The following AIG1 variants were observed in gnomAD, a reference collection of about 807,000 sequenced individuals.
AIG1 encodes androgen-induced gene 1 protein.
Under a neutral mutation model 31.4 loss-of-function variants are expected in AIG1, and 23 were observed. The observed-to-expected ratio is 0.73, with a 90% confidence interval of 0.53 to 1.04. AIG1 has a LOEUF of 1.04. Among genes scored for constraint, AIG1 ranks in the 50% least tolerant of loss-of-function variants. The pLI is 0.00. For synonymous variants in AIG1, 100 were observed against 110.5 expected (o/e 0.90, Z 0.60); for missense variants, 274 against 295.0 (o/e 0.93, Z 0.52).
At chr6:143,216,068 G>GAT (rs1053028313) in intron 3 of AIG1, among the ~76,000 whole-genome samples, 1 of 151,776 alleles carries the variant, frequency 6.6e-6, no homozygotes, top group Non-Finnish European at 1.5e-5. Flanking sequence ...GAGTCCTTGT[G>GAT]ATATATATAG....
chr6:143,220,356 T>C (rs1318777065), intron 3 of AIG1, among the ~76,000 whole-genome samples: 1 of 152,208 alleles, frequency 6.6e-6, no homozygotes, highest in South Asian at 2.1e-4. Context: ...TGTGAACCCA[T>C]AGAGAAGAGA....
At chr6:143,080,301 G>A (rs1583096511) in intron 1 of AIG1, among the ~76,000 whole-genome samples, 1 of 152,144 alleles carries the variant, frequency 6.6e-6, no homozygotes, top group Non-Finnish European at 1.5e-5. Flanking sequence ...GCCAGTCCAG[G>A]GGTCCGCGGT....
chr6:143,068,729 G>A (rs1776962177), intron 1 of AIG1, among the ~76,000 whole-genome samples: 1 of 151,758 alleles, frequency 6.6e-6, no homozygotes, highest in African/African-American at 2.4e-5. Flanking sequence ...TAGCATTTTA[G>A]TGCTTCAGGA....
At chr6:143,229,216 G>A (rs1378240811) in intron 3 of AIG1, among the ~76,000 whole-genome samples, 2 of 152,222 alleles carry the variant, frequency 1.3e-5, no homozygotes, top group Non-Finnish European at 2.9e-5. Flanking sequence ...CATATATGAA[G>A]ACTTTTGCCT....
chr6:143,157,961 G>C (rs999138755), intron 2 of AIG1, among the ~76,000 whole-genome samples: 1 of 152,148 alleles, frequency 6.6e-6, no homozygotes, highest in Non-Finnish European at 1.5e-5. Flanking sequence ...TACCAAGCCA[G>C]CTATTTGTGA....
chr6:143,135,211 T>G (rs1449571102), intron 1 of AIG1, among the ~76,000 whole-genome samples: 1 of 152,104 alleles, frequency 6.6e-6, no homozygotes, highest in Non-Finnish European at 1.5e-5. Flanking sequence ...GTTACCTTTT[T>G]ATGTTTACTA....
chr6:143,275,240 A>G (rs1029600859), intron 3 of AIG1, among the ~76,000 whole-genome samples: 1 of 152,188 alleles, frequency 6.6e-6, no homozygotes, highest in Admixed American at 6.6e-5. Context: ...GAAGAAAGTC[A>G]TGGAAAGTCC....
intron 4 of AIG1, among the ~76,000 whole-genome samples, chr6:143,300,981 C>T (rs922551969): frequency 2.0e-5 from 3 of 151,820 alleles, no homozygotes; most frequent in Admixed American, 1.3e-4. Flanking sequence ...TTTTTTGAGA[C>T]GGAGTCTCGC....
intron 3 of AIG1, among the ~76,000 whole-genome samples, chr6:143,170,842 T>C (rs9403456): frequency 0.27 from 40,779 of 151,108 alleles, 6,510 homozygotes; most frequent in East Asian, 0.83. Flanking sequence ...TTCATGTAAC[T>C]AGACACCACC....
chr6:143,171,473 A>G (rs1562454259), intron 3 of AIG1, among the ~76,000 whole-genome samples: 1 of 119,838 alleles, frequency 8.3e-6, no homozygotes, highest in South Asian at 2.3e-4. Context: ...TATTTAATAT[A>G]TATAATATAT....
At chr6:143,169,915 T>G (rs950154093) in intron 3 of AIG1, among the ~76,000 whole-genome samples, 29 of 152,198 alleles carry the variant, frequency 1.9e-4, no homozygotes, top group African/African-American at 7.0e-4. Context: ...TTTATTCATT[T>G]GTGTATGTTG....
chr6:143,060,835 C>CCGCGCCCGCGCG (rs1179823500), upstream of AIG1: 1 of 768,934 alleles, frequency 1.3e-6, no homozygotes, highest in Non-Finnish European at 1.6e-6. Flanking sequence ...GCGCCCGCGC[C>CCGCGCCCGCGCG]CGGGTTCCCA....
At chr6:143,090,699 A>G (rs371818139) in intron 1 of AIG1, among the ~76,000 whole-genome samples, 3 of 152,242 alleles carry the variant, frequency 2.0e-5, no homozygotes, top group African/African-American at 7.2e-5. Context: ...AAATATCTTA[A>G]TGATCATCTG....
chr6:143,334,024 G>T lies in AIG1; in HGVS notation c.679+579G>T, dbSNP rs1181686924. ...AGTAAAAGATAATATTTCGTGGCTGGAAAAACTCTTTTAACCTGTGATTTG... is the reference window on the plus strand; with the variant it reads ...AGTAAAAGATAATATTTCGTGGCTGTAAAAACTCTTTTAACCTGTGATTTG... On this transcript the variant is annotated intron_variant, in intron 5 of 5. Coordinates refer to ENST00000357847, the MANE Select transcript of AIG1 (RefSeq NM_016108.4). This position sits in a 1 kb window ranked among gnomAD's most constrained non-coding sequence, Gnocchi z 5.1. The T allele has an allele frequency of 2.6e-6, 4 of 1,542,404 alleles. No individual in the cohort carries two copies. In the Admixed American group the frequency reaches 8.0e-5, roughly 31 times the overall value.
At chr6:143,244,543 G>A (rs562536963) in intron 3 of AIG1, among the ~76,000 whole-genome samples, 2 of 152,324 alleles carry the variant, frequency 1.3e-5, no homozygotes, top group South Asian at 4.1e-4. Context: ...GATCACATGG[G>A]TATGGGCTTT....
intron 1 of AIG1, among the ~76,000 whole-genome samples, chr6:143,130,266 T>C (rs900566224): frequency 1.1e-4 from 16 of 152,102 alleles, no homozygotes; most frequent in African/African-American, 3.4e-4. Context: ...TATCTTTTTA[T>C]TGAGATGCTG....
At chr6:143,322,176 G>T (rs1341084520) in intron 4 of AIG1, among the ~76,000 whole-genome samples, 1 of 152,152 alleles carries the variant, frequency 6.6e-6, no homozygotes, top group Non-Finnish European at 1.5e-5. Context: ...GGTAGTCCAA[G>T]GAGGTAGCGA....
rs533726663 is a variant in AIG1, at chr6:143,062,393, C to T, written c.141+1327C>T. Among the ~76,000 whole-genome samples the T allele has an allele frequency of 9.9e-5, 15 of 152,272 alleles. No homozygotes were observed. The South Asian group carries it at 3.1e-3, about 32-fold the overall frequency. On this transcript the variant is annotated intron_variant, in intron 1 of 5. Transcript: ENST00000357847. The stretch of plus-strand genomic sequence containing the variant: ...CCCTCTGAACATGCGTGATGCCTGC[C>T]AGTTCTCCTTTCATTCTCCCCATTC...
rs7750091 is a variant in AIG1 at position 143,142,749 on chromosome 6, G to A, written c.297+5759G>A. Among the ~76,000 whole-genome samples, 525 of 152,284 alleles carry A rather than the reference G, an allele frequency of 3.4e-3. 3 individuals are homozygous for A. The highest frequency in any genetic ancestry group is 0.012 in the African/African-American group (512 of 41,552). On this transcript the variant is annotated intron_variant, in intron 2 of 5. Transcript: ENST00000357847. ...TAATCATGTCTTGTAAAGACTTAGT[G>A]AAGATTTTATAGGTATCAACCTATT...
Sources: gnomAD v4.1 joint callset for allele counts (sites outside exome capture counted in the v4.1 genomes callset) on GRCh38, gnomAD v4.1.1 for gene constraint, Gnocchi (gnomAD v3.1) non-coding constraint, MANE v1.5 for transcripts, NCBI Gene and HGNC (gene_info 2026-07-23, HGNC 2026-07-21) for gene names.